THAP4: variants seen among roughly 807,000 people sequenced by gnomAD.
The protein encoded by THAP4 is THAP domain containing 4.
A neutral mutation model predicts 48.1 loss-of-function variants in THAP4; 18 were observed. That is an observed-to-expected ratio of 0.37 (90% confidence interval 0.26 to 0.56). The LOEUF is 0.56. THAP4 is among the 20% of genes least tolerant of loss of function. The pLI is 0.78. For missense variants in THAP4, 656 were observed against 774.9 expected (o/e 0.85, Z 1.82); for synonymous variants, 345 against 324.9 (o/e 1.06, Z -0.66).
chr2:241,604,893 A>G (rs1358886251), intron 3 of THAP4, among the ~76,000 whole-genome samples: 2 of 152,190 alleles, frequency 1.3e-5, no homozygotes, highest in East Asian at 1.9e-4. Flanking sequence ...ATGGTGCTAC[A>G]CCTTCTAGAA....
intron 3 of THAP4, 29 bp from the exon 4 acceptor site, chr2:241,603,108 C>G: frequency 1.9e-6 from 3 of 1,578,952 alleles, no homozygotes; most frequent in Non-Finnish European, 2.6e-6. Context: ...TTGAGAAGCC[C>G]AGGCACTGGC....
chr2:241,628,741 A>G (rs868806142), intron 2 of THAP4, among the ~76,000 whole-genome samples: 5 of 150,954 alleles, frequency 3.3e-5, no homozygotes, highest in Admixed American at 1.3e-4. Flanking sequence ...CTCTACAAAA[A>G]AAAAAACAAA....
rs2067245686 is a variant in THAP4, at chr2:241,610,078, T to C, written c.1241-3605A>G. 6.6e-6 allele frequency among the ~76,000 whole-genome samples: 1 copy of C among 151,994 alleles called. No homozygotes were observed. The highest frequency in any genetic ancestry group is 6.5e-5 in the Admixed American group (1 of 15,280). ...GGCACGGCCACCACCGGCCCCTGGG[T>C]CCCGAGGGCCCCGAGGAAGAGGCCA... On this transcript the variant is annotated intron_variant, in intron 2 of 5. Transcript: ENST00000407315. This position sits in a 1 kb window ranked among gnomAD's most constrained non-coding sequence, Gnocchi z 4.2.
rs568307055 is a variant in THAP4 at position 241,602,646 on chromosome 2, G to A, written c.1510+324C>T. Reference sequence around the variant, plus strand: ...CTCCCAAAGTGCTGGGATTACAGGCGTGAGCCACTGTGCCCAACCTGTTTT... The same window carrying A: ...CTCCCAAAGTGCTGGGATTACAGGCATGAGCCACTGTGCCCAACCTGTTTT... On this transcript the variant is annotated intron_variant, in intron 4 of 5. Coordinates refer to ENST00000407315, the MANE Select transcript of THAP4 (RefSeq NM_015963.6). 2.2e-4 allele frequency among the ~76,000 whole-genome samples: 33 copies of A among 152,234 alleles called. No individual in the cohort carries two copies. The South Asian group carries it at 5.0e-3, about 23-fold the overall frequency.
intron 2 of THAP4, among the ~76,000 whole-genome samples, chr2:241,632,265 G>GT (rs2067574249): frequency 1.3e-5 from 2 of 151,998 alleles, no homozygotes; most frequent in Admixed American, 1.3e-4. Flanking sequence ...GCTAGTTTTT[G>GT]TATGTTTTAG....
At chr2:241,600,290 T>C (rs1394356360) in intron 5 of THAP4, among the ~76,000 whole-genome samples, 2 of 152,184 alleles carry the variant, frequency 1.3e-5, no homozygotes, top group African/African-American at 4.8e-5. Context: ...GGAGTCAGGA[T>C]GGAATTCGAT....
chr2:241,607,999 G>A (rs912865620), intron 2 of THAP4, among the ~76,000 whole-genome samples: 1 of 151,198 alleles, frequency 6.6e-6, no homozygotes, highest in South Asian at 2.1e-4. Context: ...CTGACCCCCA[G>A]TGTCTCCTCC....
At chr2:241,624,206 A>T (rs1449696619) in intron 2 of THAP4, among the ~76,000 whole-genome samples, 2 of 152,244 alleles carry the variant, frequency 1.3e-5, no homozygotes, top group East Asian at 3.8e-4. Flanking sequence ...AGACACAAAT[A>T]GCCAGGCGTG....
At chr2:241,634,155 A>G in intron 1 of THAP4, 76 bp from the exon 2 acceptor site, 1 of 1,248,834 alleles carries the variant, frequency 8.0e-7, no homozygotes, top group South Asian at 1.5e-5. Flanking sequence ...TAAAAGCAAA[A>G]CAAGTATTTT....
At chr2:241,613,862 C>T (rs567492971) in intron 2 of THAP4, among the ~76,000 whole-genome samples, 2 of 151,894 alleles carry the variant, frequency 1.3e-5, no homozygotes, top group Non-Finnish European at 2.9e-5. Context: ...TATGAAAAAG[C>T]TTTTCAAGGC....
intron 2 of THAP4, among the ~76,000 whole-genome samples, chr2:241,620,350 G>A (rs1281875488): frequency 7.9e-6 from 1 of 125,998 alleles, no homozygotes; most frequent in Non-Finnish European, 1.7e-5. Flanking sequence ...TGAGTGAGGG[G>A]TGAGTGAGTC....
intron 2 of THAP4, among the ~76,000 whole-genome samples, chr2:241,614,189 C>T (rs1281212701): frequency 1.3e-5 from 2 of 150,676 alleles, no homozygotes; most frequent in Non-Finnish European, 2.9e-5. Context: ...TCAGATTGGA[C>T]CACAAAGCAA....
At chr2:241,600,694 CT>C (rs2067101421) in intron 5 of THAP4, among the ~76,000 whole-genome samples, 1 of 147,302 alleles carries the variant, frequency 6.8e-6, no homozygotes, top group Admixed American at 6.9e-5. Flanking sequence ...CTCCACTGCA[CT>C]CCAGCCTGGG....
chr2:241,617,405 G>A (rs1559229383), intron 2 of THAP4: 1 of 1,545,834 alleles, frequency 6.5e-7, no homozygotes, highest in Non-Finnish European at 8.8e-7. Flanking sequence ...ACTGAAAGCA[G>A]GCTTACCCAT....
Position 241,633,877 on chromosome 2 carries a change from C to T in THAP4, c.280G>A (p.Ala94Thr), listed in dbSNP as rs971164287. The change falls in exon 2 of 6, where the codon GCT (alanine) becomes ACT (threonine). Residue 94 changes from alanine (A) to threonine (T), a missense_variant. Physicochemically the swap from Ala to Thr is moderately conservative, Grantham distance 58 (BLOSUM62 0). Coordinates refer to ENST00000407315, the MANE Select transcript of THAP4 (RefSeq NM_015963.6). The surrounding 1 kb of genome is among the most constrained non-coding windows in gnomAD (Gnocchi z 7.5). ...IFHLTEKKRG[A>T]GGHGRTRRKD... ...CTCCGGGTGCGGCCATGGCCTCCAG[C>T]CCCCCTCTTCTTCTCGGTCAGGTGG... is the stretch of plus-strand genomic sequence containing the variant. 1.1e-5 allele frequency: 18 copies of T among 1,613,776 alleles called. No homozygotes were observed. The African/African-American group carries it at 1.7e-4, about 16-fold the overall frequency.
chr2:241,635,683 T>G (rs1014368495), intron 1 of THAP4, among the ~76,000 whole-genome samples: 3 of 151,346 alleles, frequency 2.0e-5, no homozygotes. Context: ...AGCAGGAGAA[T>G]AGCTTGAACC....
At chr2:241,590,246 A>G (rs1365349247) in intron 5 of THAP4, among the ~76,000 whole-genome samples, 1 of 150,094 alleles carries the variant, frequency 6.7e-6, no homozygotes, top group Non-Finnish European at 1.5e-5. Flanking sequence ...TAGGACACTC[A>G]GAGCTGCTCG....
intron 1 of THAP4, among the ~76,000 whole-genome samples, chr2:241,636,330 C>G (rs1300664620): frequency 6.6e-6 from 1 of 152,236 alleles, no homozygotes; most frequent in Non-Finnish European, 1.5e-5. Flanking sequence ...CCGCAGAAAT[C>G]TCACTGAAAT....
chr2:241,637,042 G>C lies in THAP4; in HGVS notation c.-25C>G, dbSNP rs2067679992. ...TCGCGGGCCTTGGCCCAGCCGCGCA[G>C]CCAGGCCCCGGCCCTAGCCGCCCGC... On this transcript the variant is annotated 5_prime_UTR_variant, in exon 1 of 6. Coordinates refer to ENST00000407315, the MANE Select transcript of THAP4 (RefSeq NM_015963.6). The C allele has an allele frequency of 8.1e-7, 1 of 1,228,562 alleles. No homozygotes were observed. The highest frequency in any genetic ancestry group is 2.6e-5 in the Admixed American group (1 of 38,106). The allele number at this position is 1,228,562 out of a possible 1,614,324, so 76.1% of individuals were successfully genotyped here.
Sources: gnomAD v4.1 joint callset for allele counts (sites outside exome capture counted in the v4.1 genomes callset) on GRCh38, gnomAD v4.1.1 for gene constraint, Gnocchi (gnomAD v3.1) non-coding constraint, MANE v1.5 for transcripts, NCBI Gene and HGNC (gene_info 2026-07-23, HGNC 2026-07-21) for gene names.